The following RP1 variants were observed in gnomAD, a reference collection of about 807,000 sequenced individuals.
RP1 encodes the protein oxygen-regulated protein 1.
A neutral mutation model predicts 14.8 loss-of-function variants in RP1; 16 were observed. The observed-to-expected ratio is 1.08, with a 90% CI of 0.73 to 1.65. The LOEUF is 1.65. RP1 is among the 40% of genes most tolerant of loss of function. The pLI is 0.00. For synonymous variants in RP1, 876 were observed against 883.6 expected (o/e 0.99, Z 0.15); for missense variants, 2,631 against 2,535.0 (o/e 1.04, Z -0.81).
chr8:54,622,255 C>A lies in RP1; in HGVS notation c.754C>A (p.Pro252Thr), dbSNP rs1412479444. ...ACCAGGGATCTCTCAGCGTGTGTAC[C>A]CCAAGGGAAATGCAAAGTCAGAAAG... ...RLPGISQRVY[P>T]KGNAKSESRK... is the part of the protein sequence containing the mutation. The change falls in exon 3 of 4, where the codon CCC (proline) becomes ACC (threonine). Residue 252 changes from proline (P) to threonine (T), a missense_variant. By Grantham distance (38) the Pro-to-Thr change is conservative (BLOSUM62 -1). Transcript: ENST00000220676. 6 of 1,614,006 alleles carry A rather than the reference C, an allele frequency of 3.7e-6. No individual in the cohort carries two copies. Among genetic ancestry groups the A allele is most frequent in the Non-Finnish European group, 5.1e-6 (6 of 1,180,004 alleles).
intron 18 of RP1, chr8:54,734,809 T>A: frequency 1.7e-6 from 1 of 587,668 alleles, no homozygotes; most frequent in Non-Finnish European, 2.4e-6. Context: ...AATGTAGAAG[T>A]GTGTGTGTGT....
chr8:54,686,835 A>G (rs564020041), intron 12 of RP1, among the ~76,000 whole-genome samples: 15 of 152,146 alleles, frequency 9.9e-5, no homozygotes, highest in Non-Finnish European at 2.1e-4. Flanking sequence ...TTTTAATTTT[A>G]TAATAGTAGA....
downstream of RP1, among the ~76,000 whole-genome samples, chr8:54,633,710 CCT>C (rs3077384): frequency 0.22 from 25,705 of 118,066 alleles, 3,097 homozygotes; most frequent in Non-Finnish European, 0.29. Context: ...TTATTTTGTG[CCT>C]CTCTCTCTCT....
chr8:54,698,052 C>T (rs894399923), intron 12 of RP1, among the ~76,000 whole-genome samples: 1 of 152,188 alleles, frequency 6.6e-6, no homozygotes, highest in Admixed American at 6.5e-5. Context: ...GGATCTAATT[C>T]AGCTAAAGAG....
rs369066096 is a variant in RP1, at chr8:54,840,752, C to T, written c.3835+3083C>T. Reference sequence around the variant, plus strand: ...TCTTCCCTGCATCTTTCTGTTCATCCTTTCTCCAGACTAGCTAATGAAACT... The same window carrying T: ...TCTTCCCTGCATCTTTCTGTTCATCTTTTCTCCAGACTAGCTAATGAAACT... On this transcript the variant is annotated intron_variant, in intron 25 of 28. Coordinates refer to the RP1 transcript ENST00000637698. Among the ~76,000 whole-genome samples, 14 of 152,032 alleles carry T rather than the reference C, an allele frequency of 9.2e-5. No individual in the cohort carries two copies. The East Asian group carries it at 2.5e-3, about 27-fold the overall frequency.
At chr8:54,755,745 T>C (rs1346679225) in exon 21 of RP1, 2 of 1,526,554 alleles carry the variant, frequency 1.3e-6, no homozygotes, top group South Asian at 1.2e-5. Flanking sequence ...AAATCTAACA[T>C]GCAAGTAAAA....
At chr8:54,662,437 T>C (rs1250114530) in intron 6 of RP1, among the ~76,000 whole-genome samples, 1 of 152,166 alleles carries the variant, frequency 6.6e-6, no homozygotes, top group African/African-American at 2.4e-5. Context: ...GCAGTCTTCC[T>C]GTTTGGAAGG....
At chr8:54,813,219 T>C (rs1811052582) in intron 24 of RP1, among the ~76,000 whole-genome samples, 1 of 152,218 alleles carries the variant, frequency 6.6e-6, no homozygotes, top group African/African-American at 2.4e-5. Flanking sequence ...TGGAATACTT[T>C]TCACTCTCCT....
intron 3 of RP1, among the ~76,000 whole-genome samples, chr8:54,647,734 G>A (rs1806577193): frequency 6.6e-6 from 1 of 151,446 alleles, no homozygotes; most frequent in Non-Finnish European, 1.5e-5. Flanking sequence ...TATTGCCCAG[G>A]CTAGAGTGTA....
chr8:54,687,730 T>C (rs1417377374), intron 12 of RP1, among the ~76,000 whole-genome samples: 1 of 152,208 alleles, frequency 6.6e-6, no homozygotes. Context: ...TTTGTGTCGG[T>C]TCCAAGACTT....
rs556893220 is a variant in RP1, at chr8:54,680,945, G to A, written c.1717+1012G>A. ...TGCACACCAACCTGGGCGACAGAGC[G>A]AGACTCTGTCTCGGACAAAAAAAAA... is the stretch of plus-strand genomic sequence containing the variant. On this transcript the variant is annotated intron_variant, in intron 12 of 22. Coordinates refer to the RP1 transcript ENST00000636932. Among the ~76,000 whole-genome samples, 40 of 148,330 alleles carry A rather than the reference G, an allele frequency of 2.7e-4. 1 individual carries two copies. The South Asian group carries it at 6.5e-3, about 24-fold the overall frequency.
intron 4 of RP1, among the ~76,000 whole-genome samples, chr8:54,651,055 G>A (rs1042911306): frequency 6.6e-6 from 1 of 151,922 alleles, no homozygotes; most frequent in Non-Finnish European, 1.5e-5. Context: ...GGCATCAATT[G>A]AGATGATTGT....
intron 12 of RP1, chr8:54,679,956 G>A: frequency 1.3e-6 from 2 of 1,535,134 alleles, no homozygotes; most frequent in Non-Finnish European, 1.7e-6. Context: ...TACAAAGCTT[G>A]TGGTGCTGGA....
At chr8:54,717,869 A>G (rs982666502) in intron 15 of RP1, among the ~76,000 whole-genome samples, 3 of 152,112 alleles carry the variant, frequency 2.0e-5, no homozygotes, top group African/African-American at 7.2e-5. Flanking sequence ...CAATTTCAGA[A>G]TCAGTAAGTG....
downstream of RP1, among the ~76,000 whole-genome samples, chr8:54,631,455 A>C (rs1806244494): frequency 6.6e-6 from 1 of 152,156 alleles, no homozygotes; most frequent in Non-Finnish European, 1.5e-5. Context: ...ACTGTGTACC[A>C]GGGACTGTGG....
At chr8:54,586,346 C>T (rs1804921386) in intron 1 of RP1, among the ~76,000 whole-genome samples, 1 of 152,180 alleles carries the variant, frequency 6.6e-6, no homozygotes, top group Admixed American at 6.5e-5. Flanking sequence ...CTGCCTGATC[C>T]TTCCTCTGGA....
At chr8:54,818,410 A>C (rs1399189608) in intron 24 of RP1, among the ~76,000 whole-genome samples, 1 of 152,230 alleles carries the variant, frequency 6.6e-6, no homozygotes, top group African/African-American at 2.4e-5. Context: ...AAGAGATGCT[A>C]TTTCATAAAA....
At chr8:54,662,193 T>C (rs1585588398) in intron 6 of RP1, among the ~76,000 whole-genome samples, 1 of 152,148 alleles carries the variant, frequency 6.6e-6, no homozygotes, top group Admixed American at 6.6e-5. Context: ...ATTTTACATA[T>C]TATTATATGA....
At chr8:54,748,427 G>A (rs1809280443) in intron 19 of RP1, among the ~76,000 whole-genome samples, 1 of 152,200 alleles carries the variant, frequency 6.6e-6, no homozygotes, top group Non-Finnish European at 1.5e-5. Flanking sequence ...CATTCTCAAA[G>A]TTGTGCCAGC....
Sources: allele counts gnomAD v4.1 joint callset (sites outside exome capture counted in the v4.1 genomes callset), GRCh38; gene constraint gnomAD v4.1.1; transcripts MANE v1.5; gene names NCBI Gene and HGNC (gene_info 2026-07-23, HGNC 2026-07-21).